COL11A2: variants seen among roughly 807,000 people sequenced by gnomAD.
COL11A2 encodes collagen type XI alpha 2 chain.
Under a neutral mutation model 273.4 loss-of-function variants are expected in COL11A2, and 116 were observed. The observed-to-expected ratio is 0.42, with a 90% confidence interval of 0.36 to 0.49. The LOEUF (loss-of-function observed/expected upper bound fraction) is 0.49, where lower values mean the gene tolerates loss of function less well. Ranked by LOEUF, COL11A2 falls within the 20% of genes least tolerant of loss-of-function variation. The pLI, the probability that COL11A2 is intolerant of heterozygous loss-of-function variation, is 0.00. For missense variants in COL11A2, 1,866 were observed against 2,309.0 expected (o/e 0.81, Z 3.93); for synonymous variants, 782 against 864.2 (o/e 0.90, Z 1.67).
In COL11A2 at chr6:33,178,031, G is replaced by T; in HGVS notation, c.1872+101C>A. On this transcript the variant is annotated intron_variant, in intron 21 of 65. Coordinates refer to ENST00000341947, the MANE Select transcript of COL11A2 (RefSeq NM_080680.3). The surrounding 1 kb of genome is among the most constrained non-coding windows in gnomAD (Gnocchi z 4.6). ...AGGGGGAGCTCACAGGGAATGGGAA[G>T]CATGCCGAGAGAGGAGAGGGAGCAG... 8.0e-7 allele frequency: 1 copy of T among 1,242,374 alleles called. No homozygotes were observed. The highest frequency in any genetic ancestry group is 1.1e-6 in the Non-Finnish European group (1 of 869,702). 77.0% of individuals were successfully genotyped at this position (1,242,374 alleles called of 1,614,324 possible).
chr6:33,179,206 G>A lies in COL11A2; in HGVS notation c.1557+25C>T. 6.2e-7 allele frequency: 1 copy of A among 1,612,064 alleles called. No homozygotes were observed. Among genetic ancestry groups the A allele is most frequent in the South Asian group, 1.1e-5 (1 of 90,468 alleles). On this transcript the variant is annotated intron_variant, in intron 15 of 65. Coordinates refer to ENST00000341947, the MANE Select transcript of COL11A2 (RefSeq NM_080680.3). This position sits in a 1 kb window ranked among gnomAD's most constrained non-coding sequence, Gnocchi z 6.4. ...AGACTGAGCTGGTGAACAGATATGG[G>A]GGTGCAGTGGAGGAAAGTGGTCACC...
rs1771253032 is a variant in COL11A2 at position 33,178,539 on chromosome 6, C to T, written c.1720-51G>A. On this transcript the variant is annotated intron_variant, in intron 18 of 65. Coordinates refer to ENST00000341947, the MANE Select transcript of COL11A2 (RefSeq NM_080680.3). This position sits in a 1 kb window ranked among gnomAD's most constrained non-coding sequence, Gnocchi z 4.6. ...GGGGCTTCAGAGCCCCCAACACAGG[C>T]AGACACCGAACCTCTGCACTTAGCC... 6.2e-7 allele frequency: 1 copy of T among 1,611,916 alleles called. No homozygotes were observed. The highest frequency in any genetic ancestry group is 1.1e-5 in the South Asian group (1 of 91,066).
In COL11A2 at chr6:33,167,508, G is replaced by T. The variant is rs142890313; in HGVS notation, c.4040C>A (p.Pro1347Gln). The T allele has an allele frequency of 1.6e-4, 252 of 1,612,728 alleles. 3 individuals carry two copies. In the African/African-American group the frequency reaches 2.8e-3, roughly 18 times the overall value. The change falls in exon 56 of 66, where the codon CCG (proline) becomes CAG (glutamine). Residue 1347 changes from proline (P) to glutamine (Q), a missense_variant. Physicochemically the swap from Pro to Gln is moderately conservative, Grantham distance 76 (BLOSUM62 -1). Transcript: ENST00000341947. This position sits in a 1 kb window ranked among gnomAD's most constrained non-coding sequence, Gnocchi z 6.1. ...AGGACCCACCGGGCCTGTCTTCCCC[G>T]GGGCACCTATAGCGCCAGGATCTCC... ...AKGDPGAIGA[P>Q]GKTGPVGPAG...
intron 5 of COL11A2, 174 bp downstream of exon 5, chr6:33,186,453 A>T (rs527630216): frequency 6.9e-7 from 1 of 1,451,968 alleles, no homozygotes; most frequent in Non-Finnish European, 9.1e-7. Context: ...AATTCTTCAT[A>T]ACAACTCTTT....
rs1030214936 is a variant in COL11A2, at chr6:33,164,175, C to T, written c.5070+92G>A. On this transcript the variant is annotated intron_variant, in intron 65 of 65. Coordinates refer to ENST00000341947, the MANE Select transcript of COL11A2 (RefSeq NM_080680.3). This position sits in a 1 kb window ranked among gnomAD's most constrained non-coding sequence, Gnocchi z 4.7. ...CCAGCAGGACGGACTCCTCCCTGCT[C>T]CCCCTGGGTGCCCTGCCCAAGGGGT... 5.6e-6 allele frequency: 8 copies of T among 1,437,408 alleles called. No individual in the cohort carries two copies. The highest frequency in any genetic ancestry group is 6.7e-6 in the Non-Finnish European group (7 of 1,049,654). The allele number at this position is 1,437,408 out of a possible 1,614,324, so 89.0% of individuals were successfully genotyped here.
Position 33,166,124 on chromosome 6 carries a change from G to C in COL11A2, c.4428+47C>G. ...ATTTGTCCTGGAGAGACATCATCAA[G>C]TCCAGAGGGGGTGGAGCAAAGGTCA... On this transcript the variant is annotated intron_variant, in intron 61 of 65. Transcript: ENST00000341947. This position sits in a 1 kb window ranked among gnomAD's most constrained non-coding sequence, Gnocchi z 4.8. 6.2e-7 allele frequency: 1 copy of C among 1,606,908 alleles called. No individual in the cohort carries two copies. Among genetic ancestry groups the C allele is most frequent in the Non-Finnish European group, 8.5e-7 (1 of 1,176,840 alleles).
At position 33,168,555 on chromosome 6, in the gene COL11A2, G is replaced by C. The variant is rs753324728; in HGVS notation, c.3924C>G (p.Thr1308=). The C allele has an allele frequency of 2.5e-6, 4 of 1,613,672 alleles. No individual in the cohort carries two copies. Among genetic ancestry groups the C allele is most frequent in the Non-Finnish European group, 3.4e-6 (4 of 1,179,888 alleles). ...EPGQPGSPGP[T]GENGPPGPLG... ...GTGGCCCTGGGGGTCCATTCTCCCCGGTGGGACCAGGGGATCCCTAGGGAG... is the reference window on the plus strand; with the variant it reads ...GTGGCCCTGGGGGTCCATTCTCCCCCGTGGGACCAGGGGATCCCTAGGGAG... The change falls in exon 54 of 66, where the codon ACC becomes ACG. Residue 1308 remains threonine (T), a synonymous_variant. Coordinates refer to ENST00000341947, the MANE Select transcript of COL11A2 (RefSeq NM_080680.3).
At chr6:33,188,620 G>T (rs1350589675) in intron 3 of COL11A2, 96 bp from the exon 4 acceptor site, 20 of 1,398,370 alleles carry the variant, frequency 1.4e-5, no homozygotes, top group Non-Finnish European at 1.9e-5. Flanking sequence ...GAAGCCAATG[G>T]TGATAAGAGC....
In COL11A2 at chr6:33,172,391, G is replaced by A. The variant is rs1420530000; in HGVS notation, c.2899-13C>T. On this transcript the variant is annotated splice_polypyrimidine_tract_variant and intron_variant, in intron 39 of 65. Transcript: ENST00000341947. ...GACCAGGGTCACCCTAAAAGGAAAG[G>A]AGAGGTGATGAGCCACAGCCATGCT... 6.3e-7 allele frequency: 1 copy of A among 1,576,802 alleles called. No individual in the cohort carries two copies. The highest frequency in any genetic ancestry group is 2.3e-5 in the East Asian group (1 of 43,530).
At chr6:33,171,416 A>T in intron 43 of COL11A2, 51 bp downstream of exon 43, 1 of 1,609,494 alleles carries the variant, frequency 6.2e-7, no homozygotes, top group Non-Finnish European at 8.5e-7. Flanking sequence ...TGCCCAGGTC[A>T]GCCATCTCAT....
In COL11A2 at chr6:33,169,383, A is replaced by G. The variant is rs1769700182; in HGVS notation, c.3798T>C (p.Pro1266=). 1 of 1,612,110 alleles carries G rather than the reference A, an allele frequency of 6.2e-7. No homozygotes were observed. Among genetic ancestry groups the G allele is most frequent in the Admixed American group, 1.7e-5 (1 of 60,014 alleles). Reference sequence around the variant, plus strand: ...TCAGCCCCCACTGCCCCAAACTCACAGGGTTCCCTTTGGGGCCATCATCGC... The same window carrying G: ...TCAGCCCCCACTGCCCCAAACTCACGGGGTTCCCTTTGGGGCCATCATCGC... ...PTGDDGPKGN[P]GPVGFPGDPG... The change falls in exon 51 of 66, where the codon CCT becomes CCC. Residue 1266 remains proline, a splice_region_variant and synonymous_variant. Transcript: ENST00000341947. This position sits in a 1 kb window ranked among gnomAD's most constrained non-coding sequence, Gnocchi z 5.5.
At chr6:33,184,807 TG>T (rs2150603623) in intron 7 of COL11A2, among the ~76,000 whole-genome samples, 184 bp downstream of exon 7, 1 of 152,290 alleles carries the variant, frequency 6.6e-6, no homozygotes, top group African/African-American at 2.4e-5. Flanking sequence ...GGGAACGGGC[TG>T]GACTTAGAGA....
Position 33,181,004 on chromosome 6 carries a change from C to A in COL11A2, c.1181G>T (p.Gly394Val). The change falls in exon 10 of 66, where the codon GGT (glycine) becomes GTT (valine). Residue 394 changes from glycine to valine, a missense_variant and splice_region_variant. Gly to Val is a moderately radical substitution (Grantham distance 109). Coordinates refer to ENST00000341947, the MANE Select transcript of COL11A2 (RefSeq NM_080680.3). ...GCCAGGGGGCCCCTCCACGAGCATA[C>A]CCTGTGGAGTCAAAGGTTAAAAATC... The part of the protein sequence containing the change: ...EKGEPAVLEP[G>V]MLVEGPPGPE... 6.2e-7 allele frequency: 1 copy of A among 1,614,166 alleles called. No homozygotes were observed. The highest frequency in any genetic ancestry group is 1.3e-5 in the African/African-American group (1 of 75,056).
rs2150559096 is a variant in COL11A2 at position 33,174,018 on chromosome 6, C to G, written c.2522G>C (p.Gly841Ala). 1 of 1,614,012 alleles carries G rather than the reference C, an allele frequency of 6.2e-7. No individual in the cohort carries two copies. The highest frequency in any genetic ancestry group is 2.2e-5 in the East Asian group (1 of 44,870). ...SGKSGPRGER[G>A]PTGPRGQRGP... ...TCTCTCCCCTGCACTCACCGTGGGGCCCCGTTCTCCCCGAGGCCCTGACTT... is the reference window on the plus strand; with the variant it reads ...TCTCTCCCCTGCACTCACCGTGGGGGCCCGTTCTCCCCGAGGCCCTGACTT... The change falls in exon 33 of 66, where the codon GGC (glycine) becomes GCC (alanine). Residue 841 changes from glycine (G) to alanine (A), a missense_variant. By Grantham distance (60) the Gly-to-Ala change is moderately conservative. Transcript: ENST00000341947.
Position 33,170,112 on chromosome 6 carries a change from A to G in COL11A2, c.3583-12T>C. On this transcript the variant is annotated splice_polypyrimidine_tract_variant and intron_variant, in intron 48 of 65. Transcript: ENST00000341947. This position sits in a 1 kb window ranked among gnomAD's most constrained non-coding sequence, Gnocchi z 4.3. ...GGACCTTGTGGGCCCTGGAAGAGGA[A>G]CAGAAATAGGTGTCATTGCTTAGGA... 1 of 1,613,014 alleles carries G rather than the reference A, an allele frequency of 6.2e-7. No homozygotes were observed. Among genetic ancestry groups the G allele is most frequent in the Non-Finnish European group, 8.5e-7 (1 of 1,180,020 alleles).
intron 7 of COL11A2, 138 bp from the exon 8 acceptor site, chr6:33,184,462 A>T (rs1488048541): frequency 7.2e-6 from 4 of 552,228 alleles, no homozygotes; most frequent in Non-Finnish European, 1.1e-5. Flanking sequence ...TCTCCCAAGA[A>T]TAGCCATGGG....
chr6:33,172,577 G>C lies in COL11A2; in HGVS notation c.2851C>G (p.Pro951Ala). 1 of 1,612,578 alleles carries C rather than the reference G, an allele frequency of 6.2e-7. No individual in the cohort carries two copies. Among genetic ancestry groups the C allele is most frequent in the Non-Finnish European group, 8.5e-7 (1 of 1,179,900 alleles). The change falls in exon 39 of 66, where the codon CCT (proline) becomes GCT (alanine). Residue 951 changes from proline to alanine, a missense_variant. Transcript: ENST00000341947. ...GTCCCAGGTAGTCCCTGCTCTCCAG[G>C]GGGCCCCGGGGGGCCTGGGTGACCT... is the stretch of plus-strand genomic sequence containing the variant. ...ERGHPGPPGP[P>A]GEQGLPGTAG...
In COL11A2 at chr6:33,170,243, C is replaced by T. The variant is rs554686824; in HGVS notation, c.3582+83G>A. 4.4e-6 allele frequency: 7 copies of T among 1,576,236 alleles called. No individual in the cohort carries two copies. The Admixed American group carries it at 5.2e-5, about 12-fold the overall frequency. On this transcript the variant is annotated intron_variant, in intron 48 of 65. Transcript: ENST00000341947. This position sits in a 1 kb window ranked among gnomAD's most constrained non-coding sequence, Gnocchi z 4.3. ...TAAGGGCTTCTCTTGGCCCCTGAGACGATACTAGAGTTTATGGTCTGGGAA... is the reference window on the plus strand; with the variant it reads ...TAAGGGCTTCTCTTGGCCCCTGAGATGATACTAGAGTTTATGGTCTGGGAA...
rs543458957 is a variant in COL11A2, at chr6:33,174,231, G to C, written c.2431-13C>G. 2 of 1,551,832 alleles carry C rather than the reference G, an allele frequency of 1.3e-6. No individual in the cohort carries two copies. The highest frequency in any genetic ancestry group is 3.8e-5 in the Admixed American group (2 of 52,394). Reference sequence around the variant, plus strand: ...ATCCTAGGGACCCCTGGTGAGAACGGAGAAGGGGGGAAATTGAGAAGTTAT... The same window carrying C: ...ATCCTAGGGACCCCTGGTGAGAACGCAGAAGGGGGGAAATTGAGAAGTTAT... On this transcript the variant is annotated splice_polypyrimidine_tract_variant and intron_variant, in intron 31 of 65. Transcript: ENST00000341947.
Sources: allele counts gnomAD v4.1 joint callset (sites outside exome capture counted in the v4.1 genomes callset), GRCh38; gene constraint gnomAD v4.1.1; non-coding constraint Gnocchi (gnomAD v3.1); transcripts MANE v1.5; gene names NCBI Gene and HGNC (gene_info 2026-07-23, HGNC 2026-07-21).